The following MYO9A variants were observed in gnomAD, a reference collection of about 807,000 sequenced individuals.
The protein encoded by MYO9A is myosin IXA, also known as unconventional myosin-IXa.
A neutral mutation model predicts 293.3 loss-of-function variants in MYO9A; 103 were observed. The observed-to-expected ratio is 0.35, with a 90% CI of 0.30 to 0.41. The LOEUF is 0.41. Ranked by LOEUF, MYO9A falls within the 10% of genes least tolerant of loss-of-function variation. The pLI, the probability that MYO9A is intolerant of heterozygous loss-of-function variation, is 1.00. For missense variants in MYO9A, 2,685 were observed against 3,033.0 expected (o/e 0.89, Z 2.69); for synonymous variants, 1,001 against 1,035.7 (o/e 0.97, Z 0.64).
At chr15:71,900,417 C>T (rs2057452081) in intron 23 of MYO9A, among the ~76,000 whole-genome samples, 1 of 151,160 alleles carries the variant, frequency 6.6e-6, no homozygotes, top group South Asian at 2.1e-4. Flanking sequence ...GCCTGGGTGA[C>T]AGAGTGAGAC....
At chr15:71,878,289 G>C in intron 30 of MYO9A, 58 bp from the exon 31 acceptor site, 1 of 1,229,076 alleles carries the variant, frequency 8.1e-7, no homozygotes, top group Admixed American at 2.8e-5. Context: ...TAAATATAGA[G>C]GAAAGATTAC....
At chr15:71,958,471 T>C (rs2074199798) in intron 14 of MYO9A, 2 of 152,158 alleles carry the variant, frequency 1.3e-5, no homozygotes, top group African/African-American at 4.8e-5. Flanking sequence ...ACAAATCTGC[T>C]CAGGCTTCAA....
chr15:71,862,642 A>G, intron 32 of MYO9A, 31 bp from the exon 33 acceptor site: 3 of 1,435,698 alleles, frequency 2.1e-6, no homozygotes, highest in Non-Finnish European at 2.9e-6. Context: ...ACTTATATTA[A>G]AGCCAACACA....
At chr15:71,852,970 G>A (rs1240288771) in intron 35 of MYO9A, among the ~76,000 whole-genome samples, 1 of 152,118 alleles carries the variant, frequency 6.6e-6, no homozygotes, top group South Asian at 2.1e-4. Context: ...GGTGGCACAC[G>A]CCTATAATCC....
intron 15 of MYO9A, among the ~76,000 whole-genome samples, chr15:71,949,988 C>T (rs1859474907): frequency 6.6e-6 from 1 of 152,086 alleles, no homozygotes. Context: ...TACTTTTGGT[C>T]TTTTTCCAGT....
chr15:72,003,456 G>A (rs1257741517), intron 8 of MYO9A, among the ~76,000 whole-genome samples: 2 of 151,946 alleles, frequency 1.3e-5, no homozygotes, highest in Admixed American at 1.3e-4. Context: ...CAGCACTTTG[G>A]AAGGCCGAGA....
chr15:71,979,945 A>G (rs1259857715), intron 11 of MYO9A, among the ~76,000 whole-genome samples: 1 of 152,198 alleles, frequency 6.6e-6, no homozygotes, highest in Non-Finnish European at 1.5e-5. Context: ...GAGAAGGAAT[A>G]AACTTTGAGA....
intron 3 of MYO9A, among the ~76,000 whole-genome samples, chr15:72,030,435 A>T (rs746986847): frequency 2.6e-5 from 4 of 152,192 alleles, no homozygotes; most frequent in Admixed American, 6.5e-5. Context: ...ACATTCTAAG[A>T]TGCCAACCAC....
intron 39 of MYO9A, among the ~76,000 whole-genome samples, chr15:71,834,073 G>A (rs961371462): frequency 6.6e-6 from 1 of 151,924 alleles, no homozygotes; most frequent in Non-Finnish European, 1.5e-5. Context: ...TCTTTGAAGA[G>A]GCTAATAAAA....
chr15:72,023,505 C>A (rs911028684), intron 4 of MYO9A, among the ~76,000 whole-genome samples: 1 of 151,728 alleles, frequency 6.6e-6, no homozygotes, highest in Non-Finnish European at 1.5e-5. Context: ...CCAGCCTGGC[C>A]AACATGGTGA....
At chr15:72,034,780 G>A (rs1337965775) in intron 2 of MYO9A, among the ~76,000 whole-genome samples, 1 of 152,164 alleles carries the variant, frequency 6.6e-6, no homozygotes, top group Non-Finnish European at 1.5e-5. Flanking sequence ...TTGGAGATAC[G>A]AAATATGGAT....
rs2054380467 is a variant in MYO9A, at chr15:71,824,288, TTAAAGTGACC to T, written c.*2282_*2291del. 6.6e-6 allele frequency: 1 copy of T among 152,190 alleles called. No individual in the cohort carries two copies. The highest frequency in any genetic ancestry group is 6.5e-5 in the Admixed American group (1 of 15,286). 9.4% of individuals were successfully genotyped at this position (152,190 alleles called of 1,614,324 possible). A position where few individuals can be genotyped will look rare whatever the true frequency, so the allele number is the denominator to read the frequency against. On this transcript the variant is annotated 3_prime_UTR_variant, in exon 42 of 42. Transcript: ENST00000356056. The stretch of plus-strand genomic sequence containing the variant: ...TCTTAACATCCATCACCTAGTTCCT[TTAAAGTGACC>T]TACATCAGTCGTTTTTTAACTGCCA...
intron 32 of MYO9A, among the ~76,000 whole-genome samples, chr15:71,869,659 A>C (rs2142031238): frequency 6.6e-6 from 1 of 152,302 alleles, no homozygotes; most frequent in South Asian, 2.1e-4. Flanking sequence ...TGTCAAACAA[A>C]AAGAAGGGGA....
At chr15:71,906,513 A>C (rs925698469) in intron 19 of MYO9A, among the ~76,000 whole-genome samples, 1 of 152,068 alleles carries the variant, frequency 6.6e-6, no homozygotes, top group Non-Finnish European at 1.5e-5. Flanking sequence ...TACATGTAAG[A>C]CTTGGTAAAT....
intron 4 of MYO9A, among the ~76,000 whole-genome samples, chr15:72,024,666 A>T (rs2077608527): frequency 6.6e-6 from 1 of 152,230 alleles, no homozygotes; most frequent in African/African-American, 2.4e-5. Flanking sequence ...CACCATAAAG[A>T]AGTAATTTGC....
At position 72,021,019 on chromosome 15, in the gene MYO9A, T is replaced by C. The variant is rs1314360787; in HGVS notation, c.999-2A>G. 6.5e-7 allele frequency: 1 copy of C among 1,543,302 alleles called. No homozygotes were observed. Among genetic ancestry groups the C allele is most frequent in the Non-Finnish European group, 8.7e-7 (1 of 1,149,180 alleles). ...AGGTAATAGAATACATGATAGTTCC[T>C]GTGGGAAACAAAGAAGTACAAGTTT... On this transcript the variant is annotated splice_acceptor_variant, in intron 4 of 41. Transcript: ENST00000356056. LOFTEE classifies it high-confidence loss of function.
Position 71,883,698 on chromosome 15 carries a change from T to A in MYO9A, c.5294A>T (p.Lys1765Ile), listed in dbSNP as rs1297363722. Residue 1765 changes from lysine (K) to isoleucine (I), a missense_variant, in exon 28 of 42, where the codon AAA becomes ATA. Physicochemically the swap from Lys to Ile is moderately radical, Grantham distance 102 (BLOSUM62 -3). Coordinates refer to ENST00000356056, the MANE Select transcript of MYO9A (RefSeq NM_006901.4). ...RAKMRFWAKG[K>I]QGEKKTTRVK... ...TCTGGTAGTCTTCTTCTCCCCTTGT[T>A]TCCCTTTGGCCCAGAATCTCATCTT... 2 of 1,613,562 alleles carry A rather than the reference T, an allele frequency of 1.2e-6. No homozygotes were observed. Among genetic ancestry groups the A allele is most frequent in the South Asian group, 2.2e-5 (2 of 91,028 alleles).
In MYO9A at chr15:71,883,752, A is replaced by C; in HGVS notation, c.5256-16T>G. 1 of 1,595,094 alleles carries C rather than the reference A, an allele frequency of 6.3e-7. No individual in the cohort carries two copies. Among genetic ancestry groups the C allele is most frequent in the Non-Finnish European group, 8.5e-7 (1 of 1,173,286 alleles). ...TCTCTGAGGTCTGTTTAAAGAAATA[A>C]AGGTAAAAATGGAAATTAAGAGTAT... On this transcript the variant is annotated splice_polypyrimidine_tract_variant and intron_variant, in intron 27 of 41. Transcript: ENST00000356056.
chr15:72,117,187 G>T (rs963774214), intron 1 of MYO9A: 1 of 152,228 alleles, frequency 6.6e-6, no homozygotes, highest in Non-Finnish European at 1.5e-5. Flanking sequence ...CATGACAGCG[G>T]CTATCTGAAA....
Sources: allele counts gnomAD v4.1 joint callset (sites outside exome capture counted in the v4.1 genomes callset), GRCh38; gene constraint gnomAD v4.1.1; transcripts MANE v1.5; gene names NCBI Gene and HGNC (gene_info 2026-07-23, HGNC 2026-07-21).